Variants in RPA3 observed in about 807,000 individuals in gnomAD.
RPA3 encodes replication protein A 14 kDa subunit.
RPA3 carries 24 observed loss-of-function variants against 13.7 expected under a neutral mutation model. That is an observed-to-expected ratio of 1.75 (90% confidence interval 1.27 to 2.46). RPA3 has a LOEUF of 2.46. Among genes scored for constraint, RPA3 ranks in the 30% most tolerant of loss-of-function variants. The pLI is 0.00. For missense variants in RPA3, 183 were observed against 151.0 expected, an observed-to-expected ratio of 1.21 and a Z score of -1.11; for synonymous variants, 59 against 51.2, an observed-to-expected ratio of 1.15 and a Z score of -0.65.
At chr7:7,638,018 G>A (rs1458188710) in intron 6 of RPA3, 46 bp from the exon 7 acceptor site, 6 of 1,471,506 alleles carry the variant, frequency 4.1e-6, no homozygotes, top group Non-Finnish European at 4.7e-6. Flanking sequence ...CACATTTTCA[G>A]TTGACAATTA....
chr7:7,681,431 C>T (rs1779910247), intron 4 of RPA3, among the ~76,000 whole-genome samples: 1 of 152,132 alleles, frequency 6.6e-6, no homozygotes, highest in African/African-American at 2.4e-5. Flanking sequence ...AGTTAGCTCA[C>T]ATTTGGACAG....
chr7:7,644,715 C>G (rs1174692242), intron 4 of RPA3, among the ~76,000 whole-genome samples: 3 of 152,110 alleles, frequency 2.0e-5, no homozygotes, highest in Non-Finnish European at 2.9e-5. Context: ...TTTTCTATCC[C>G]TGAACCACTA....
chr7:7,687,760 A>G (rs1780074638), intron 2 of RPA3, among the ~76,000 whole-genome samples: 1 of 152,244 alleles, frequency 6.6e-6, no homozygotes, highest in Non-Finnish European at 1.5e-5. Context: ...CATATTTTTA[A>G]TGATAAGTAT....
intron 4 of RPA3, among the ~76,000 whole-genome samples, chr7:7,666,552 G>A (rs1438180382): frequency 1.3e-5 from 2 of 151,970 alleles, no homozygotes; most frequent in Non-Finnish European, 2.9e-5. Flanking sequence ...GGTATATAAT[G>A]GTATCTCATT....
At chr7:7,647,386 G>A (rs7794467) in intron 4 of RPA3, among the ~76,000 whole-genome samples, 2 of 152,066 alleles carry the variant, frequency 1.3e-5, no homozygotes, top group Non-Finnish European at 2.9e-5. Context: ...AATTATGTGA[G>A]GCTTGCTTTA....
chr7:7,658,884 C>G (rs997212947), intron 4 of RPA3, among the ~76,000 whole-genome samples: 1 of 152,112 alleles, frequency 6.6e-6, no homozygotes, highest in East Asian at 1.9e-4. Context: ...GGAATGGTAC[C>G]AGCTCCTGTT....
chr7:7,641,635 C>T (rs1784976592), intron 4 of RPA3: 1 of 152,220 alleles, frequency 6.6e-6, no homozygotes, highest in African/African-American at 2.4e-5. Context: ...CCTGGCTCAT[C>T]TTGTGACCCG....
intron 4 of RPA3, among the ~76,000 whole-genome samples, chr7:7,663,406 C>T (rs1197945238): frequency 2.0e-5 from 3 of 152,074 alleles, no homozygotes; most frequent in African/African-American, 7.2e-5. Context: ...TGAAAAGTGA[C>T]ATCAGTTTAA....
intron 4 of RPA3, among the ~76,000 whole-genome samples, chr7:7,646,937 A>T (rs1207933923): frequency 6.6e-6 from 1 of 152,162 alleles, no homozygotes; most frequent in Non-Finnish European, 1.5e-5. Context: ...GCCTGTTCAC[A>T]TTTAGGGCTA....
chr7:7,658,333 A>G (rs936040413), intron 4 of RPA3, among the ~76,000 whole-genome samples: 3 of 152,234 alleles, frequency 2.0e-5, no homozygotes, highest in African/African-American at 7.2e-5. Flanking sequence ...CCTGGCCAGA[A>G]CTTCTAATAC....
chr7:7,691,327 G>T (rs1204830883), intron 2 of RPA3, among the ~76,000 whole-genome samples: 1 of 152,112 alleles, frequency 6.6e-6, no homozygotes, highest in East Asian at 1.9e-4. Flanking sequence ...CTGTTCTTTA[G>T]ATATTTGTAG....
At chr7:7,647,799 C>A (rs1456939720) in intron 4 of RPA3, among the ~76,000 whole-genome samples, 1 of 151,234 alleles carries the variant, frequency 6.6e-6, no homozygotes, top group Middle Eastern at 3.2e-3. Context: ...GAGACGGGTT[C>A]TTTCTTTGTT....
At chr7:7,647,320 A>T (rs77655130) in intron 4 of RPA3, among the ~76,000 whole-genome samples, 2 of 152,200 alleles carry the variant, frequency 1.3e-5, no homozygotes, top group Admixed American at 1.3e-4. Flanking sequence ...ACTGCATTAT[A>T]ATCTGAGGGT....
intron 4 of RPA3, among the ~76,000 whole-genome samples, chr7:7,669,757 G>A (rs368980739): frequency 1.3e-5 from 2 of 152,172 alleles, no homozygotes; most frequent in Admixed American, 6.5e-5. Flanking sequence ...AGACACGAGG[G>A]TGACTGATGC....
intron 4 of RPA3, among the ~76,000 whole-genome samples, chr7:7,657,362 G>C (rs997029588): frequency 6.6e-6 from 1 of 152,162 alleles, no homozygotes; most frequent in Non-Finnish European, 1.5e-5. Flanking sequence ...GTTGCTTTTG[G>C]TGTTTTAGTC....
chr7:7,639,245 T>A, intron 5 of RPA3, 101 bp from the exon 6 acceptor site: 3 of 762,260 alleles, frequency 3.9e-6, no homozygotes, highest in South Asian at 2.0e-5. Context: ...CAACTGTTTC[T>A]TGAACAGTTT....
intron 4 of RPA3, among the ~76,000 whole-genome samples, chr7:7,668,601 G>A (rs1366106389): frequency 7.9e-5 from 12 of 152,128 alleles, no homozygotes; most frequent in Admixed American, 7.9e-4. Context: ...GAAACAACAT[G>A]TAATGAAACC....
At chr7:7,702,412 AG>A (rs552560597) in intron 2 of RPA3, among the ~76,000 whole-genome samples, 1 of 152,312 alleles carries the variant, frequency 6.6e-6, no homozygotes, top group African/African-American at 2.4e-5. Flanking sequence ...TATTTTATGA[AG>A]GAGTCTATGG....
intron 4 of RPA3, among the ~76,000 whole-genome samples, chr7:7,650,002 G>A (rs1229822561): frequency 6.6e-6 from 1 of 152,230 alleles, no homozygotes; most frequent in Non-Finnish European, 1.5e-5. Flanking sequence ...ACTGTGAGAA[G>A]TAAATTTCTG....
Sources: gnomAD v4.1 joint callset for allele counts (sites outside exome capture counted in the v4.1 genomes callset) on GRCh38, gnomAD v4.1.1 for gene constraint, MANE v1.5 for transcripts, NCBI Gene and HGNC (gene_info 2026-07-23, HGNC 2026-07-21) for gene names.